TRAPPC9: variants seen among roughly 807,000 people sequenced by gnomAD.
TRAPPC9 encodes IKK2 binding protein.
A neutral mutation model predicts 124.0 loss-of-function variants in TRAPPC9; 83 were observed. The ratio of observed to expected loss-of-function variants is 0.67; its 90% CI spans 0.56 to 0.80. TRAPPC9 has a LOEUF of 0.80. TRAPPC9 is among the 30% of genes least tolerant of loss of function. The pLI, the probability that TRAPPC9 is intolerant of heterozygous loss-of-function variation, is 0.00. For missense variants in TRAPPC9, 1,302 were observed against 1,508.3 expected, an observed-to-expected ratio of 0.86 and a Z score of 2.27; for synonymous variants, 638 against 617.5, an observed-to-expected ratio of 1.03 and a Z score of -0.49.
chr8:139,845,982 A>C (rs1827050440), intron 21 of TRAPPC9, among the ~76,000 whole-genome samples: 1 of 152,214 alleles, frequency 6.6e-6, no homozygotes. Context: ...CCAGAGCACC[A>C]GGGAAGGCTT....
intron 20 of TRAPPC9, among the ~76,000 whole-genome samples, chr8:139,896,413 C>T (rs1015462090): frequency 6.6e-6 from 1 of 152,218 alleles, no homozygotes; most frequent in Non-Finnish European, 1.5e-5. Flanking sequence ...TGGGTAAGTG[C>T]TCAACACGCA....
intron 21 of TRAPPC9, among the ~76,000 whole-genome samples, chr8:139,771,750 A>G (rs918564075): frequency 1.3e-5 from 2 of 152,194 alleles, no homozygotes; most frequent in African/African-American, 4.8e-5. Flanking sequence ...GTGTGCAGAC[A>G]GCGCAGACCC....
chr8:139,950,408 G>A (rs1002789565), intron 19 of TRAPPC9, among the ~76,000 whole-genome samples: 10 of 152,272 alleles, frequency 6.6e-5, no homozygotes, highest in Non-Finnish European at 1.0e-4. Flanking sequence ...TGAGGGAATT[G>A]AAGTTCAGGG....
Position 140,252,011 on chromosome 8 carries a change from T to G in TRAPPC9, c.2431+766A>C, listed in dbSNP as rs1293586455. Among the ~76,000 whole-genome samples, 3 of 151,890 alleles carry G rather than the reference T, an allele frequency of 2.0e-5. No homozygotes were observed. The highest frequency in any genetic ancestry group is 7.2e-5 in the African/African-American group (3 of 41,398). On this transcript the variant is annotated intron_variant, in intron 16 of 22. Coordinates refer to ENST00000438773, the MANE Select transcript of TRAPPC9 (RefSeq NM_001160372.4). The surrounding 1 kb of genome is among the most constrained non-coding windows in gnomAD (Gnocchi z 4.2). Reference sequence around the variant, plus strand: ...CAAATGAATGCTTCATAATTTGGCATAATTAATTTATGAAATCTTTTTTTT... The same window carrying G: ...CAAATGAATGCTTCATAATTTGGCAGAATTAATTTATGAAATCTTTTTTTT...
chr8:139,764,194 T>G (rs534481400), intron 21 of TRAPPC9, among the ~76,000 whole-genome samples: 2 of 151,986 alleles, frequency 1.3e-5, no homozygotes, highest in East Asian at 3.9e-4. Context: ...AGCTGCAGCC[T>G]GGGGTGGGTG....
chr8:140,001,185 G>C (rs542227231), intron 18 of TRAPPC9, among the ~76,000 whole-genome samples: 2 of 152,236 alleles, frequency 1.3e-5, no homozygotes, highest in South Asian at 4.1e-4. Context: ...TGAACAATGA[G>C]AACACATGGA....
chr8:140,047,162 TAA>T (rs2132062269), intron 17 of TRAPPC9, among the ~76,000 whole-genome samples: 1 of 152,258 alleles, frequency 6.6e-6, no homozygotes. Context: ...TTGGAGGAGC[TAA>T]ATATAGCTCC....
chr8:140,119,394 G>T (rs528233116), intron 17 of TRAPPC9, among the ~76,000 whole-genome samples: 1 of 152,064 alleles, frequency 6.6e-6, no homozygotes, highest in African/African-American at 2.4e-5. Context: ...CCCCTTTCCC[G>T]CAAGTCCCCA....
intron 5 of TRAPPC9, among the ~76,000 whole-genome samples, chr8:140,406,563 T>G (rs906101573): frequency 2.6e-5 from 4 of 152,248 alleles, no homozygotes; most frequent in African/African-American, 7.2e-5. Flanking sequence ...TTTTCTAATC[T>G]TGGTCCAGTT....
chr8:140,007,659 T>C (rs6983338), intron 18 of TRAPPC9, among the ~76,000 whole-genome samples: 100,603 of 151,984 alleles, frequency 0.66, 34,242 homozygotes, highest in African/African-American at 0.84. Flanking sequence ...ACATTCAATC[T>C]CCAAACCAAG....
chr8:139,879,012 C>G (rs1215894747), intron 21 of TRAPPC9, among the ~76,000 whole-genome samples: 1 of 152,208 alleles, frequency 6.6e-6, no homozygotes, highest in Non-Finnish European at 1.5e-5. Flanking sequence ...AATTAGTGAG[C>G]CTGCTCCAAG....
At position 140,261,067 on chromosome 8, in the gene TRAPPC9, C is replaced by T. The variant is rs373004658; in HGVS notation, c.2279-8138G>A. On this transcript the variant is annotated intron_variant, in intron 15 of 22. Coordinates refer to ENST00000438773, the MANE Select transcript of TRAPPC9 (RefSeq NM_001160372.4). The stretch of plus-strand genomic sequence containing the variant: ...TCACATGTCCTCTGTCATCCCAAGA[C>T]GCCCTGTCAGTACATGGAGACCATG... Among the ~76,000 whole-genome samples, 12 of 152,326 alleles carry T rather than the reference C, an allele frequency of 7.9e-5. No homozygotes were observed. The South Asian group carries it at 8.3e-4, about 11-fold the overall frequency.
In TRAPPC9 at chr8:139,731,961, T is replaced by G. The variant is rs1355844645; in HGVS notation, c.3279+18A>C. ...CATGGCCAGAGGCTCCCAGACCGCC[T>G]TGCACACCACCACGCACCGCGTCGA... On this transcript the variant is annotated intron_variant, in intron 22 of 22. Coordinates refer to ENST00000438773, the MANE Select transcript of TRAPPC9 (RefSeq NM_001160372.4). 2 of 1,558,270 alleles carry G rather than the reference T, an allele frequency of 1.3e-6. No individual in the cohort carries two copies. The highest frequency in any genetic ancestry group is 2.4e-5 in the South Asian group (2 of 84,576).
At chr8:139,830,847 G>A (rs1825942986) in intron 21 of TRAPPC9, among the ~76,000 whole-genome samples, 2 of 152,362 alleles carry the variant, frequency 1.3e-5, no homozygotes, top group East Asian at 1.9e-4. Flanking sequence ...AAGGCTGCTG[G>A]TGACCACGAA....
chr8:139,738,730 G>T (rs939814778), intron 21 of TRAPPC9, among the ~76,000 whole-genome samples: 1 of 152,154 alleles, frequency 6.6e-6, no homozygotes, highest in African/African-American at 2.4e-5. Flanking sequence ...CACAGGTAGG[G>T]GTCTGAGGAC....
At chr8:139,835,544 T>C (rs915215292) in intron 21 of TRAPPC9, among the ~76,000 whole-genome samples, 1 of 152,206 alleles carries the variant, frequency 6.6e-6, no homozygotes, top group Admixed American at 6.5e-5. Flanking sequence ...CCACGAGACA[T>C]CCTCACTAAT....
chr8:140,024,258 C>T (rs778359691), intron 17 of TRAPPC9, among the ~76,000 whole-genome samples, 179 bp from the exon 18 acceptor site: 18 of 152,180 alleles, frequency 1.2e-4, no homozygotes, highest in South Asian at 4.2e-4. Context: ...CGGCGGGGAC[C>T]GACTCACACC....
rs531284313 is a variant in TRAPPC9 at position 140,001,223 on chromosome 8, G to A, written c.2700-12387C>T. The stretch of plus-strand genomic sequence containing the variant: ...CAGGGTGGAGAACATCACACACCAG[G>A]GCCTGTCACGCACACCAGGGGGGTG... On this transcript the variant is annotated intron_variant, in intron 18 of 22. Transcript: ENST00000438773. 2.6e-5 allele frequency among the ~76,000 whole-genome samples: 4 copies of A among 152,072 alleles called. No individual in the cohort carries two copies. The South Asian group carries it at 6.3e-4, about 24-fold the overall frequency.
intron 19 of TRAPPC9, among the ~76,000 whole-genome samples, chr8:139,957,612 C>T (rs952221179): frequency 2.0e-5 from 3 of 152,216 alleles, no homozygotes; most frequent in Admixed American, 2.0e-4. Flanking sequence ...CCACCTCCAG[C>T]TGTCCAAGCT....
Sources: gnomAD v4.1 joint callset for allele counts (sites outside exome capture counted in the v4.1 genomes callset) on GRCh38, gnomAD v4.1.1 for gene constraint, Gnocchi (gnomAD v3.1) non-coding constraint, MANE v1.5 for transcripts, NCBI Gene and HGNC (gene_info 2026-07-23, HGNC 2026-07-21) for gene names.